The following PLEKHA7 variants were observed in gnomAD, a reference collection of about 807,000 sequenced individuals.
PLEKHA7 encodes the protein pleckstrin homology domain containing A7.
PLEKHA7 carries 104 observed loss-of-function variants against 170.0 expected under a neutral mutation model. That is an observed-to-expected ratio of 0.61 (90% CI 0.52 to 0.72). PLEKHA7 has a LOEUF of 0.72. PLEKHA7 is among the 30% of genes least tolerant of loss of function. The probability of loss-of-function intolerance (pLI) is 0.00; values close to 1 mark genes in which losing one functional copy is unlikely to be tolerated. For missense variants in PLEKHA7, 1,615 were observed against 1,671.7 expected, an observed-to-expected ratio of 0.97 and a Z score of 0.59; for synonymous variants, 648 against 660.8, an observed-to-expected ratio of 0.98 and a Z score of 0.30.
At chr11:16,811,293 C>A (rs139000036) in intron 13 of PLEKHA7, among the ~76,000 whole-genome samples, 2 of 152,188 alleles carry the variant, frequency 1.3e-5, no homozygotes, top group East Asian at 3.8e-4. Context: ...TCTGGTATAC[C>A]TGTGTTTTAT....
In PLEKHA7 at chr11:16,871,128, T is replaced by C. The variant is rs1208887576; in HGVS notation, c.276A>G (p.Pro92=). 6.2e-7 allele frequency: 1 copy of C among 1,607,028 alleles called. No individual in the cohort carries two copies. Among genetic ancestry groups the C allele is most frequent in the Non-Finnish European group, 8.5e-7 (1 of 1,173,746 alleles). ...CTTGAAGAATGAATTCACTATTTTC[T>C]GGAGAAAACTGTCCCGTCACAGGAT... ...FRHPVTGQFS[P]ENSEFILQEE... The change falls in exon 4 of 27, where the codon CCA becomes CCG. Residue 92 remains proline (P), a synonymous_variant. Transcript: ENST00000531066.
intron 25 of PLEKHA7, 147 bp from the exon 26 acceptor site, chr11:16,783,043 T>C (rs1217033274): frequency 1.1e-6 from 1 of 932,428 alleles, no homozygotes. Context: ...CAAAGGTACA[T>C]GCTTTTCCCC....
At chr11:16,945,460 CAAAA>C (rs1860968633) in intron 3 of PLEKHA7, among the ~76,000 whole-genome samples, 1 of 152,096 alleles carries the variant, frequency 6.6e-6, no homozygotes, top group Non-Finnish European at 1.5e-5. Flanking sequence ...CTGCCTTCCC[CAAAA>C]GACTGAGAGT....
At chr11:17,002,328 C>T (rs1864713342) in intron 3 of PLEKHA7, among the ~76,000 whole-genome samples, 1 of 151,938 alleles carries the variant, frequency 6.6e-6, no homozygotes, top group African/African-American at 2.4e-5. Flanking sequence ...TGCTTGAGCC[C>T]AGGAGTTTGA....
chr11:16,992,318 G>A (rs966377732), intron 3 of PLEKHA7, among the ~76,000 whole-genome samples: 1 of 152,224 alleles, frequency 6.6e-6, no homozygotes, highest in African/African-American at 2.4e-5. Flanking sequence ...TCATAAGGAA[G>A]CCCGGTGAGG....
intron 3 of PLEKHA7, among the ~76,000 whole-genome samples, chr11:16,896,901 G>C (rs989313834): frequency 6.6e-6 from 1 of 152,106 alleles, no homozygotes; most frequent in Non-Finnish European, 1.5e-5. Context: ...CACGATATGA[G>C]GCTGAGGTAA....
chr11:17,011,189 T>C (rs1865303627), intron 3 of PLEKHA7, among the ~76,000 whole-genome samples: 3 of 152,292 alleles, frequency 2.0e-5, no homozygotes, highest in Middle Eastern at 3.4e-3. Flanking sequence ...ACCTGGTACT[T>C]TGGGACACTT....
chr11:16,976,881 A>C (rs922760304), intron 3 of PLEKHA7, among the ~76,000 whole-genome samples: 2 of 152,134 alleles, frequency 1.3e-5, no homozygotes, highest in Admixed American at 1.3e-4. Flanking sequence ...CTCAATAAAT[A>C]ATTGCTGAAT....
intron 26 of PLEKHA7, among the ~76,000 whole-genome samples, chr11:16,781,939 G>T (rs1849050960): frequency 1.3e-5 from 2 of 152,054 alleles, no homozygotes; most frequent in Non-Finnish European, 1.5e-5. Context: ...ACACACAGTG[G>T]CCTCTGCACT....
intron 4 of PLEKHA7, among the ~76,000 whole-genome samples, chr11:16,858,153 T>C (rs1853625774): frequency 6.6e-6 from 1 of 152,264 alleles, no homozygotes; most frequent in Non-Finnish European, 1.5e-5. Context: ...GAAAACCATT[T>C]GTAACACTTG....
At position 16,851,252 on chromosome 11, in the gene PLEKHA7, G is replaced by A; in HGVS notation, c.635C>T (p.Pro212Leu). The A allele has an allele frequency of 6.2e-7, 1 of 1,611,900 alleles. No homozygotes were observed. The highest frequency in any genetic ancestry group is 1.7e-5 in the Admixed American group (1 of 59,756). The change falls in exon 8 of 27, where the codon CCC (proline) becomes CTC (leucine). Residue 212 changes from proline (P) to leucine (L), a missense_variant. Transcript: ENST00000531066. ...EEAVLGSIPL[P>L]SYVISPVAPE... ...GGCCACAGGAGAGATCACGTAGCTG[G>A]GCAAGGGGATGCTCCCGAGGACCGC...
chr11:16,803,796 C>A (rs934020219), intron 13 of PLEKHA7, among the ~76,000 whole-genome samples: 1 of 152,142 alleles, frequency 6.6e-6, no homozygotes, highest in African/African-American at 2.4e-5. Context: ...GCCCACTTCC[C>A]CGTGGGTAAG....
At chr11:16,966,051 C>T (rs189139974) in intron 3 of PLEKHA7, among the ~76,000 whole-genome samples, 257 of 152,230 alleles carry the variant, frequency 1.7e-3, no homozygotes, top group Middle Eastern at 6.8e-3. Flanking sequence ...GGAGTGGTGG[C>T]GCGTGCCTAT....
intron 4 of PLEKHA7, among the ~76,000 whole-genome samples, chr11:16,864,600 G>GT (rs1315244234): frequency 6.6e-6 from 1 of 152,172 alleles, no homozygotes; most frequent in Non-Finnish European, 1.5e-5. Context: ...ATGGCAATGG[G>GT]TTTTTCCCAT....
chr11:16,841,951 C>A (rs1852000805), intron 8 of PLEKHA7, among the ~76,000 whole-genome samples: 1 of 152,134 alleles, frequency 6.6e-6, no homozygotes, highest in Admixed American at 6.5e-5. Flanking sequence ...GTAACTGTTT[C>A]CTATTTATCT....
At chr11:16,894,015 C>T (rs1235260912) in intron 3 of PLEKHA7, among the ~76,000 whole-genome samples, 1 of 152,198 alleles carries the variant, frequency 6.6e-6, no homozygotes, top group African/African-American at 2.4e-5. Context: ...TCTGGCTAGG[C>T]AAAGCCTCCT....
intron 3 of PLEKHA7, among the ~76,000 whole-genome samples, chr11:16,977,721 C>A (rs1424437076): frequency 6.6e-6 from 1 of 152,158 alleles, no homozygotes; most frequent in Non-Finnish European, 1.5e-5. Flanking sequence ...GCCTAAGTGC[C>A]CAGACTGTGG....
In PLEKHA7 at chr11:16,855,801, A is replaced by C. The variant is rs1292879635; in HGVS notation, c.417+2T>G. 1 of 1,599,504 alleles carries C rather than the reference A, an allele frequency of 6.3e-7. No homozygotes were observed. The highest frequency in any genetic ancestry group is 1.3e-5 in the African/African-American group (1 of 74,364). ...GGAAGGAACAAGTGGCCAGGAGCTC[A>C]CCTTGGGTCCAGGCTTGGCCTCCAG... On this transcript the variant is annotated splice_donor_variant, in intron 5 of 26. Transcript: ENST00000531066. LOFTEE classifies it high-confidence loss of function.
chr11:16,948,003 A>G (rs1400335286), intron 3 of PLEKHA7, among the ~76,000 whole-genome samples: 1 of 152,240 alleles, frequency 6.6e-6, no homozygotes, highest in Non-Finnish European at 1.5e-5. Context: ...GCCTTTAAAA[A>G]GAAGAAAGTC....
Sources: gnomAD v4.1 joint callset for allele counts (sites outside exome capture counted in the v4.1 genomes callset) on GRCh38, gnomAD v4.1.1 for gene constraint, MANE v1.5 for transcripts, NCBI Gene and HGNC (gene_info 2026-07-23, HGNC 2026-07-21) for gene names.